The following EPM2A variants were observed in gnomAD, a reference collection of about 807,000 sequenced individuals.
EPM2A encodes the protein EPM2A glucan phosphatase, laforin.
A neutral mutation model predicts 26.5 loss-of-function variants in EPM2A; 21 were observed. That is an observed-to-expected ratio of 0.79 (90% confidence interval 0.56 to 1.14). The LOEUF (loss-of-function observed/expected upper bound fraction) is 1.14, where lower values mean the gene tolerates loss of function less well. Ranked by LOEUF, EPM2A falls within the 50% of genes most tolerant of loss-of-function variation. The pLI, the probability that EPM2A is intolerant of heterozygous loss-of-function variation, is 0.00. For synonymous variants in EPM2A, 217 were observed against 177.6 expected (o/e 1.22, Z -1.76); for missense variants, 458 against 440.8 (o/e 1.04, Z -0.35).
intron 4 of EPM2A, among the ~76,000 whole-genome samples, chr6:145,417,720 C>T (rs1778727923): frequency 6.6e-6 from 1 of 152,156 alleles, no homozygotes; most frequent in African/African-American, 2.4e-5. Context: ...ATGCTACCAA[C>T]TTTCAATCCA....
At chr6:145,476,057 G>GA (rs1779539188) in intron 4 of EPM2A, among the ~76,000 whole-genome samples, 2 of 151,922 alleles carry the variant, frequency 1.3e-5, no homozygotes, top group Non-Finnish European at 2.9e-5. Context: ...CACATAGACT[G>GA]AAAATAAAGG....
intron 1 of EPM2A, among the ~76,000 whole-genome samples, chr6:145,733,306 T>TA (rs67187505): frequency 2.0e-5 from 3 of 151,108 alleles, no homozygotes; most frequent in Admixed American, 1.3e-4. Context: ...AAAATAATAG[T>TA]AAAAAAAAAT....
chr6:145,611,428 C>G (rs1473885070), intron 2 of EPM2A, among the ~76,000 whole-genome samples: 1 of 151,904 alleles, frequency 6.6e-6, no homozygotes, highest in African/African-American at 2.4e-5. Context: ...CTTCCAAAGA[C>G]AGCCATCTCC....
chr6:145,441,699 T>C (rs1195907329), intron 4 of EPM2A, among the ~76,000 whole-genome samples: 1 of 151,816 alleles, frequency 6.6e-6, no homozygotes, highest in African/African-American at 2.4e-5. Flanking sequence ...CTGTCTCTAC[T>C]AAAAATGCAA....
intron 1 of EPM2A, among the ~76,000 whole-genome samples, chr6:145,696,437 T>A (rs1008328846): frequency 6.6e-6 from 1 of 152,180 alleles, no homozygotes; most frequent in Non-Finnish European, 1.5e-5. Flanking sequence ...AAGGTTTCTC[T>A]CCACATAAAA....
chr6:145,491,990 C>T (rs183716377), intron 4 of EPM2A: 277 of 432,358 alleles, frequency 6.4e-4, no homozygotes, highest in African/African-American at 5.0e-3. Flanking sequence ...AGGATGATGT[C>T]AGTAAACCAG....
At chr6:145,606,164 A>G (rs1247215732) in intron 2 of EPM2A, among the ~76,000 whole-genome samples, 1 of 151,930 alleles carries the variant, frequency 6.6e-6, no homozygotes, top group Non-Finnish European at 1.5e-5. Flanking sequence ...CACATGAAGG[A>G]AAAAAAACAC....
At chr6:145,394,317 G>A (rs1778377178) in intron 4 of EPM2A, among the ~76,000 whole-genome samples, 1 of 152,020 alleles carries the variant, frequency 6.6e-6, no homozygotes, top group Non-Finnish European at 1.5e-5. Context: ...TCTTTCCCAT[G>A]TCAGTCATTA....
intron 2 of EPM2A, among the ~76,000 whole-genome samples, chr6:145,574,530 T>C (rs1781003088): frequency 6.6e-6 from 1 of 152,226 alleles, no homozygotes; most frequent in Non-Finnish European, 1.5e-5. Context: ...TCTTCAAAGA[T>C]GCAGGTGCTG....
intron 2 of EPM2A, among the ~76,000 whole-genome samples, chr6:145,649,682 T>C (rs1469657859): frequency 6.6e-6 from 1 of 152,200 alleles, no homozygotes; most frequent in Admixed American, 6.6e-5. Context: ...CTATAGCTCA[T>C]GGGCCAAATT....
At chr6:145,734,269 T>C (rs1412923814) in intron 1 of EPM2A, among the ~76,000 whole-genome samples, 2 of 152,146 alleles carry the variant, frequency 1.3e-5, no homozygotes, top group Non-Finnish European at 2.9e-5. Context: ...AAAATACATA[T>C]CTACGTGTAG....
chr6:145,562,934 T>C (rs1047398020), intron 2 of EPM2A, among the ~76,000 whole-genome samples: 49 of 150,968 alleles, frequency 3.2e-4, no homozygotes, highest in African/African-American at 1.2e-3. Flanking sequence ...GCTTGCACCA[T>C]AGAAGGTGAG....
rs149077945 is a variant in EPM2A at position 145,461,297 on chromosome 6, C to T, written c.555+41225G>A. On this transcript the variant is annotated intron_variant, in intron 4 of 4. Coordinates refer to the EPM2A transcript ENST00000638717. ...GAAGTGTGTGATGGACTTTTCTTTG[C>T]TTGGAGTGCACCATAGTCAATACAG... Among the ~76,000 whole-genome samples the T allele has an allele frequency of 4.6e-4, 70 of 152,242 alleles. No homozygotes were observed. In the Middle Eastern group the frequency reaches 0.01, roughly 22 times the overall value.
chr6:145,480,037 T>C (rs150599733), intron 4 of EPM2A, among the ~76,000 whole-genome samples: 66 of 152,242 alleles, frequency 4.3e-4, no homozygotes, highest in African/African-American at 1.5e-3. Flanking sequence ...TTCATGTGAC[T>C]ATAAGCCATT....
intron 2 of EPM2A, among the ~76,000 whole-genome samples, chr6:145,666,694 C>T (rs1779222670): frequency 7.2e-6 from 1 of 139,046 alleles, no homozygotes; most frequent in South Asian, 2.4e-4. Flanking sequence ...AAAAAAGAGC[C>T]CGCATCGCCA....
chr6:145,479,913 C>A (rs1355316009), intron 4 of EPM2A, among the ~76,000 whole-genome samples: 1 of 152,066 alleles, frequency 6.6e-6, no homozygotes, highest in East Asian at 1.9e-4. Context: ...TCCTTGCCAA[C>A]ACTTTTTATT....
chr6:145,467,970 T>G (rs2114722790), intron 4 of EPM2A, among the ~76,000 whole-genome samples: 1 of 152,208 alleles, frequency 6.6e-6, no homozygotes, highest in East Asian at 1.9e-4. Context: ...TTTATTTTCT[T>G]GGGTTTTCTA....
intron 3 of EPM2A, chr6:145,631,351 C>T (rs1169348724): frequency 6.6e-6 from 1 of 151,940 alleles, no homozygotes. Context: ...ACAATAAAAC[C>T]TCAAGAAAAG....
intron 2 of EPM2A, among the ~76,000 whole-genome samples, chr6:145,646,870 G>A (rs1023785477): frequency 2.0e-5 from 3 of 151,980 alleles, no homozygotes. Context: ...TCTTCTCTGT[G>A]GTTCCCAGTC....
Sources: allele counts gnomAD v4.1 joint callset (sites outside exome capture counted in the v4.1 genomes callset), GRCh38; gene constraint gnomAD v4.1.1; transcripts MANE v1.5; gene names NCBI Gene and HGNC (gene_info 2026-07-23, HGNC 2026-07-21).